The following TWIST2 variants were observed in gnomAD, a reference collection of about 807,000 sequenced individuals.
TWIST2 encodes twist-related protein 2.
TWIST2 carries 1 observed loss-of-function variant against 11.6 expected under a neutral mutation model. The observed-to-expected ratio is 0.09, with a 90% CI of 0.03 to 0.41. The LOEUF (loss-of-function observed/expected upper bound fraction) is 0.41. Among genes scored for constraint, TWIST2 ranks in the 10% least tolerant of loss-of-function variants. The pLI is 0.98. For missense variants in TWIST2, 168 were observed against 226.4 expected (o/e 0.74, Z 1.66); for synonymous variants, 87 against 96.6 (o/e 0.90, Z 0.58).
intron 1 of TWIST2, among the ~76,000 whole-genome samples, chr2:238,906,177 G>A (rs1352907447): frequency 1.3e-5 from 2 of 151,948 alleles, no homozygotes; most frequent in African/African-American, 2.4e-5. Context: ...GGAACCACAC[G>A]TCCCCCCTGC....
rs922990985 is a variant in TWIST2 at position 238,906,888 on chromosome 2, C to A, written c.*36-2954C>A. Among the ~76,000 whole-genome samples the A allele has an allele frequency of 4.4e-4, 67 of 152,356 alleles. No individual in the cohort carries two copies. The South Asian group carries it at 0.014, about 31-fold the overall frequency. The stretch of plus-strand genomic sequence containing the variant: ...AGGAGGGTCTCGTTGCGCTGGTTTG[C>A]CCCTTGGCTCAGGGGAGTTCTCCAA... On this transcript the variant is annotated intron_variant, in intron 1 of 1. Transcript: ENST00000612363.
At chr2:238,900,385 T>G (rs1265742567) in intron 1 of TWIST2, among the ~76,000 whole-genome samples, 1 of 152,224 alleles carries the variant, frequency 6.6e-6, no homozygotes, top group Non-Finnish European at 1.5e-5. Context: ...CCCCCTGGAC[T>G]CCTGCCCCCA....
intron 1 of TWIST2, among the ~76,000 whole-genome samples, chr2:238,892,067 CGG>C (rs1693144078): frequency 6.6e-6 from 1 of 152,144 alleles, no homozygotes; most frequent in Non-Finnish European, 1.5e-5. Context: ...TGTTATGTGC[CGG>C]TGTGTGGACT....
chr2:238,892,655 T>A (rs181114066), intron 1 of TWIST2, among the ~76,000 whole-genome samples: 98 of 147,562 alleles, frequency 6.6e-4, no homozygotes, highest in Admixed American at 2.2e-3. Context: ...TAATTTTTTG[T>A]ATTTTAGTAG....
intron 1 of TWIST2, among the ~76,000 whole-genome samples, chr2:238,874,251 G>A (rs913079184): frequency 3.9e-5 from 6 of 152,200 alleles, no homozygotes; most frequent in African/African-American, 1.4e-4. Flanking sequence ...CGGCTACCCA[G>A]ATGCTTTTAT....
Position 238,848,153 on chromosome 2 carries a change from T to G in TWIST2, c.-63T>G. The G allele has an allele frequency of 1.7e-6, 2 of 1,168,116 alleles. No individual in the cohort carries two copies. Among genetic ancestry groups the G allele is most frequent in the Non-Finnish European group, 2.1e-6 (2 of 946,984 alleles). The allele number at this position is 1,168,116 out of a possible 1,614,324, so 72.4% of individuals were successfully genotyped here. A position where few individuals can be genotyped will look rare whatever the true frequency, so the allele number is the denominator to read the frequency against. ...GAGCGTGTGCTCGGCGACCGCGGGC[T>G]TGGCCAGCGGCGCGCGCTCGGCGCC... On this transcript the variant is annotated 5_prime_UTR_variant, in exon 1 of 2. Coordinates refer to ENST00000612363, the MANE Select transcript of TWIST2 (RefSeq NM_001271893.4).
intron 1 of TWIST2, among the ~76,000 whole-genome samples, chr2:238,889,528 CTG>C (rs1401699533): frequency 1.3e-5 from 2 of 152,252 alleles, no homozygotes; most frequent in Non-Finnish European, 2.9e-5. Context: ...CCACCCATCC[CTG>C]TGTTTCTTGG....
chr2:238,898,089 T>C (rs1693225580), intron 1 of TWIST2, among the ~76,000 whole-genome samples: 1 of 152,176 alleles, frequency 6.6e-6, no homozygotes, highest in Admixed American at 6.5e-5. Flanking sequence ...GAGGCTGTGT[T>C]AGGACCCTTC....
chr2:238,892,417 A>T, intron 1 of TWIST2, among the ~76,000 whole-genome samples: 1 of 152,060 alleles, frequency 6.6e-6, no homozygotes, highest in East Asian at 1.9e-4. Context: ...TGGGCTGTTC[A>T]CTCATCCTGT....
intron 1 of TWIST2, among the ~76,000 whole-genome samples, chr2:238,905,919 AGGTGTGCGTGTGCGCGTGTGTGTGCG>A (rs1693341017): frequency 9.1e-6 from 1 of 110,066 alleles, no homozygotes; most frequent in African/African-American, 3.8e-5. Context: ...GTGTGCGTGC[AGGTGTGCGTGTGCGCGTGTGTGTGCG>A]CGCGCGTGTG....
chr2:238,848,145 C>A lies in TWIST2; in HGVS notation c.-71C>A, dbSNP rs1234669798. 1 of 1,148,728 alleles carries A rather than the reference C, an allele frequency of 8.7e-7. No homozygotes were observed. The highest frequency in any genetic ancestry group is 1.1e-6 in the Non-Finnish European group (1 of 933,486). 71.2% of individuals were successfully genotyped at this position (1,148,728 alleles called of 1,614,324 possible). ...AACTCCGAGAGCGTGTGCTCGGCGACCGCGGGCTTGGCCAGCGGCGCGCGC... is the reference window on the plus strand; with the variant it reads ...AACTCCGAGAGCGTGTGCTCGGCGAACGCGGGCTTGGCCAGCGGCGCGCGC... On this transcript the variant is annotated 5_prime_UTR_variant, in exon 1 of 2. Transcript: ENST00000612363.
chr2:238,882,858 C>T (rs1205988167), intron 1 of TWIST2, among the ~76,000 whole-genome samples: 1 of 152,144 alleles, frequency 6.6e-6, no homozygotes, highest in African/African-American at 2.4e-5. Context: ...TTCTGGGTTG[C>T]TCTGCTGGAA....
At chr2:238,894,586 C>T (rs1693185569) in intron 1 of TWIST2, among the ~76,000 whole-genome samples, 1 of 152,200 alleles carries the variant, frequency 6.6e-6, no homozygotes, top group African/African-American at 2.4e-5. Flanking sequence ...GTGTCTGTGG[C>T]CCCCCAAACC....
intron 1 of TWIST2, among the ~76,000 whole-genome samples, chr2:238,880,929 GTATT>G (rs1692911995): frequency 2.1e-5 from 2 of 96,386 alleles, no homozygotes; most frequent in African/African-American, 3.9e-5. Context: ...ATTAGTGTTA[GTATT>G]TATTTGTGTT....
chr2:238,869,664 ATG>A (rs1559273108), intron 1 of TWIST2, among the ~76,000 whole-genome samples: 7 of 152,228 alleles, frequency 4.6e-5, no homozygotes, highest in Non-Finnish European at 7.3e-5. Flanking sequence ...GCTCACACCT[ATG>A]AGGTTGCCTA....
intron 1 of TWIST2, among the ~76,000 whole-genome samples, chr2:238,860,831 G>A (rs898000180): frequency 3.3e-5 from 5 of 152,160 alleles, no homozygotes; most frequent in Non-Finnish European, 1.5e-5. Context: ...CCAGCTACTC[G>A]GGAGGCTGAG....
intron 1 of TWIST2, among the ~76,000 whole-genome samples, chr2:238,908,330 T>TACCACACAC (rs1335314520): frequency 1.0e-5 from 1 of 99,972 alleles, no homozygotes; most frequent in Non-Finnish European, 1.9e-5. Context: ...TACACACACA[T>TACCACACAC]ACCACACACA....
chr2:238,860,041 A>G (rs1433272376), intron 1 of TWIST2, among the ~76,000 whole-genome samples: 1 of 152,112 alleles, frequency 6.6e-6, no homozygotes, highest in African/African-American at 2.4e-5. Context: ...ACCTGATGGG[A>G]AGACACACAA....
chr2:238,853,121 A>G (rs192871346), intron 1 of TWIST2, among the ~76,000 whole-genome samples: 1,702 of 152,312 alleles, frequency 0.011, 9 homozygotes, highest in South Asian at 0.028. Context: ...TGAAATACCA[A>G]TTATAATAGC....
Sources: allele counts gnomAD v4.1 joint callset (sites outside exome capture counted in the v4.1 genomes callset), GRCh38; gene constraint gnomAD v4.1.1; transcripts MANE v1.5; gene names NCBI Gene and HGNC (gene_info 2026-07-23, HGNC 2026-07-21).